CFAP43: variants seen among roughly 807,000 people sequenced by gnomAD.
The protein encoded by CFAP43 is cilia- and flagella-associated protein 43.
Under a neutral mutation model 218.9 loss-of-function variants are expected in CFAP43, and 155 were observed. The ratio of observed to expected loss-of-function variants is 0.71; its 90% CI spans 0.62 to 0.81. The LOEUF is 0.81. Among genes scored for constraint, CFAP43 ranks in the 30% least tolerant of loss-of-function variants. The pLI is 0.00. For synonymous variants in CFAP43, 645 were observed against 681.3 expected (o/e 0.95, Z 0.83); for missense variants, 1,778 against 1,954.3 (o/e 0.91, Z 1.70).
chr10:104,154,046 T>C (rs1044447832), intron 27 of CFAP43, among the ~76,000 whole-genome samples: 1 of 152,198 alleles, frequency 6.6e-6, no homozygotes, highest in Non-Finnish European at 1.5e-5. Context: ...TTTGCTTCAT[T>C]ATTGGTGATG....
chr10:104,191,920 A>G lies in CFAP43; in HGVS notation c.1546+279T>C, dbSNP rs565601556. 2.6e-5 allele frequency among the ~76,000 whole-genome samples: 4 copies of G among 152,280 alleles called. No individual in the cohort carries two copies. In the South Asian group the frequency reaches 8.3e-4, roughly 32 times the overall value. On this transcript the variant is annotated intron_variant, in intron 12 of 37. Transcript: ENST00000357060. ...CAACCCAACTTCTCTGTATGTTAATATTAGAAATGTTCAGCCATTTCATTA... is the reference window on the plus strand; with the variant it reads ...CAACCCAACTTCTCTGTATGTTAATGTTAGAAATGTTCAGCCATTTCATTA...
chr10:104,176,532 G>C (rs591784), intron 19 of CFAP43, among the ~76,000 whole-genome samples: 2 of 152,010 alleles, frequency 1.3e-5, no homozygotes, highest in Non-Finnish European at 2.9e-5. Context: ...AAAGTATTTA[G>C]AGTAGGATGA....
At chr10:104,178,812 G>A (rs1383456981) in intron 19 of CFAP43, among the ~76,000 whole-genome samples, 1 of 152,112 alleles carries the variant, frequency 6.6e-6, no homozygotes, top group Non-Finnish European at 1.5e-5. Context: ...GTATTATAAA[G>A]ACAAATAAGA....
chr10:104,151,836 T>C (rs976217162), intron 28 of CFAP43, among the ~76,000 whole-genome samples: 7 of 152,218 alleles, frequency 4.6e-5, no homozygotes, highest in African/African-American at 7.2e-5. Flanking sequence ...TGATATTGCA[T>C]AGGTTGTCTC....
At chr10:104,199,679 A>G (rs1020410454) in intron 8 of CFAP43, among the ~76,000 whole-genome samples, 11 of 152,258 alleles carry the variant, frequency 7.2e-5, no homozygotes, top group Non-Finnish European at 1.5e-5. Flanking sequence ...TTTAAAGTGC[A>G]TGTTTAAGAA....
intron 27 of CFAP43, among the ~76,000 whole-genome samples, chr10:104,156,815 A>G (rs2088571165): frequency 6.6e-6 from 1 of 152,230 alleles, no homozygotes; most frequent in African/African-American, 2.4e-5. Flanking sequence ...TTTTAGAGAC[A>G]GCAGCTCGAA....
At chr10:104,231,855 A>G (rs576427390) in intron 1 of CFAP43, among the ~76,000 whole-genome samples, 2 of 151,986 alleles carry the variant, frequency 1.3e-5, no homozygotes, top group Non-Finnish European at 2.9e-5. Flanking sequence ...TGATCAGAAG[A>G]CCCGGATCAC....
Position 104,166,673 on chromosome 10 carries a change from T to C in CFAP43, c.2854A>G (p.Lys952Glu), listed in dbSNP as rs1332788401. Residue 952 changes from lysine (K) to glutamate (E), a missense_variant, in exon 23 of 38, where the codon AAA becomes GAA. Transcript: ENST00000357060. ...TCATCATCCTCTTCATGACGCTGTT[T>C]AATCAACTTAACTCCAGACTGAGCC... ...VEAQSGVKLIKQRHEEDDEEE... is the reference protein window; with the variant it reads ...VEAQSGVKLIEQRHEEDDEEE... The C allele has an allele frequency of 1.2e-6, 2 of 1,613,928 alleles. No homozygotes were observed. The highest frequency in any genetic ancestry group is 2.7e-5 in the African/African-American group (2 of 74,934).
intron 27 of CFAP43, among the ~76,000 whole-genome samples, chr10:104,154,458 G>GA (rs1421532131): frequency 1.3e-5 from 2 of 152,132 alleles, no homozygotes; most frequent in African/African-American, 4.8e-5. Flanking sequence ...AAACAAATAT[G>GA]AAAAAAACAC....
intron 24 of CFAP43, 77 bp from the exon 25 acceptor site, chr10:104,162,480 A>C: frequency 3.1e-6 from 4 of 1,282,962 alleles, no homozygotes; most frequent in Non-Finnish European, 4.6e-6. Flanking sequence ...TACTGGGAGG[A>C]GGCTGGAAGA....
intron 13 of CFAP43, 82 bp downstream of exon 13, chr10:104,188,188 T>G: frequency 6.5e-7 from 1 of 1,544,736 alleles, no homozygotes; most frequent in East Asian, 2.3e-5. Flanking sequence ...CATGCCAAGA[T>G]AAAAACAAAA....
chr10:104,168,050 T>C (rs1473591971), intron 21 of CFAP43, among the ~76,000 whole-genome samples: 1 of 152,186 alleles, frequency 6.6e-6, no homozygotes, highest in South Asian at 2.1e-4. Flanking sequence ...TTTTTTATTG[T>C]AATTACTGGA....
intron 19 of CFAP43, among the ~76,000 whole-genome samples, chr10:104,173,069 G>T (rs1032543132): frequency 2.6e-5 from 4 of 151,890 alleles, no homozygotes; most frequent in African/African-American, 9.7e-5. Context: ...CAGGAGCAAA[G>T]GATACACACT....
intron 2 of CFAP43, among the ~76,000 whole-genome samples, chr10:104,229,324 G>A (rs1014188779): frequency 1.3e-5 from 2 of 152,082 alleles, no homozygotes; most frequent in Non-Finnish European, 2.9e-5. Context: ...TCCAGCAGAC[G>A]TGCAGCAGCT....
At chr10:104,194,045 C>A in intron 10 of CFAP43, 31 bp from the exon 11 acceptor site, 1 of 1,607,508 alleles carries the variant, frequency 6.2e-7, no homozygotes, top group South Asian at 1.1e-5. Flanking sequence ...ATGCGTATCT[C>A]TATTGTGCCT....
chr10:104,203,615 A>G (rs1352211893), intron 8 of CFAP43, 57 bp downstream of exon 8: 3 of 1,511,780 alleles, frequency 2.0e-6, no homozygotes, highest in Non-Finnish European at 2.7e-6. Flanking sequence ...CTGTCATGTA[A>G]TGATGATAAT....
chr10:104,167,849 G>T, intron 21 of CFAP43, 112 bp from the exon 22 acceptor site: 1 of 670,228 alleles, frequency 1.5e-6, no homozygotes, highest in Non-Finnish European at 2.4e-6. Context: ...AGGTTATCAT[G>T]TGTTAGTAAA....
chr10:104,172,889 T>A (rs1355334423), intron 19 of CFAP43, among the ~76,000 whole-genome samples: 1 of 152,186 alleles, frequency 6.6e-6, no homozygotes, highest in South Asian at 2.1e-4. Context: ...TTAAAGATGA[T>A]ATGATGTTTG....
chr10:104,189,743 C>T (rs2090144304), intron 12 of CFAP43, among the ~76,000 whole-genome samples: 1 of 152,170 alleles, frequency 6.6e-6, no homozygotes, highest in Admixed American at 6.5e-5. Flanking sequence ...TGGCTCATGT[C>T]TGTAATCCCA....
Sources: allele counts gnomAD v4.1 joint callset (sites outside exome capture counted in the v4.1 genomes callset), GRCh38; gene constraint gnomAD v4.1.1; transcripts MANE v1.5; gene names NCBI Gene and HGNC (gene_info 2026-07-23, HGNC 2026-07-21).